FADS2: variants seen among roughly 807,000 people sequenced by gnomAD.
The protein encoded by FADS2 is fatty acid desaturase 2, also known as acyl-CoA 6-desaturase.
A neutral mutation model predicts 61.2 loss-of-function variants in FADS2; 18 were observed. The ratio of observed to expected loss-of-function variants is 0.29; its 90% CI spans 0.20 to 0.44. The LOEUF is 0.44. Ranked by LOEUF, FADS2 falls within the 20% of genes least tolerant of loss-of-function variation. FADS2 has a pLI of 1.00. For synonymous variants in FADS2, 203 were observed against 223.9 expected (o/e 0.91, Z 0.83); for missense variants, 322 against 572.7 (o/e 0.56, Z 4.47).
chr11:61,846,415 T>TAA (rs990670218), intron 4 of FADS2, among the ~76,000 whole-genome samples: 14 of 134,794 alleles, frequency 1.0e-4, no homozygotes, highest in Middle Eastern at 3.5e-3. Context: ...TGACTTTTTT[T>TAA]TTTTTTTTCT....
intron 5 of FADS2, among the ~76,000 whole-genome samples, chr11:61,851,307 G>C (rs966755132): frequency 2.0e-5 from 3 of 152,196 alleles, no homozygotes; most frequent in African/African-American, 7.2e-5. Flanking sequence ...TCTTGTGCGT[G>C]GTGGCCAGAG....
Position 61,837,840 on chromosome 11 carries a change from G to C in FADS2, c.270G>C (p.Leu90=). ...TGGGCAAGTTCTTGAAACCCCTGCTGATTGGTGAACTGGCCCCGGAGGAGC... is the reference window on the plus strand; with the variant it reads ...TGGGCAAGTTCTTGAAACCCCTGCTCATTGGTGAACTGGCCCCGGAGGAGC... The part of the protein sequence containing the change: ...EFVGKFLKPL[L]IGELAPEEPS... The change falls in exon 2 of 12, where the codon CTG becomes CTC. Residue 90 remains leucine, a synonymous_variant. Transcript: ENST00000278840. 6.2e-7 allele frequency: 1 copy of C among 1,613,970 alleles called. No homozygotes were observed. Among genetic ancestry groups the C allele is most frequent in the Non-Finnish European group, 8.5e-7 (1 of 1,179,934 alleles).
intron 7 of FADS2, among the ~76,000 whole-genome samples, chr11:61,858,303 C>T (rs2067381688): frequency 6.6e-6 from 1 of 151,780 alleles, no homozygotes; most frequent in Non-Finnish European, 1.5e-5. Flanking sequence ...CTCAGCCTCC[C>T]AAGTACCTGG....
intron 7 of FADS2, among the ~76,000 whole-genome samples, chr11:61,857,937 GAAGACCGTATGACA>G (rs1266477702): frequency 6.6e-6 from 1 of 152,204 alleles, no homozygotes; most frequent in East Asian, 1.9e-4. Context: ...GGTCGTTTGC[GAAGACCGTATGACA>G]AAGCACCACG....
intron 1 of FADS2, among the ~76,000 whole-genome samples, chr11:61,821,804 A>G (rs1228328456): frequency 2.0e-5 from 3 of 152,242 alleles, no homozygotes; most frequent in Non-Finnish European, 2.9e-5. Flanking sequence ...AAAATAATTT[A>G]TGACATATAG....
At position 61,845,805 on chromosome 11, in the gene FADS2, T is replaced by A. The variant is rs174588; in HGVS notation, c.619-2354T>A. On this transcript the variant is annotated intron_variant, in intron 4 of 11. Transcript: ENST00000278840. ...GTCTCAAAAAAAAAAAAAAAAAAAA[T>A]GGAAGAGAATCACAGCAGAGGAAGT... 7.3e-3 allele frequency among the ~76,000 whole-genome samples: 995 copies of A among 135,986 alleles called. 6 individuals are homozygous for A. Among genetic ancestry groups the A allele is most frequent in the Non-Finnish European group, 0.01 (650 of 63,520 alleles). 89.2% of individuals were successfully genotyped at this position (135,986 alleles called of 152,430 possible). A position where few individuals can be genotyped will look rare whatever the true frequency, so the allele number is the denominator to read the frequency against.
At position 61,839,543 on chromosome 11, in the gene FADS2, G is replaced by A. The variant is rs573019454; in HGVS notation, c.319-791G>A. ...TCACTATGTTGGCCAGGCTGGTCTCGAACTCCTGACCTCAGGTGATCTGCC... is the reference window on the plus strand; with the variant it reads ...TCACTATGTTGGCCAGGCTGGTCTCAAACTCCTGACCTCAGGTGATCTGCC... On this transcript the variant is annotated intron_variant, in intron 2 of 11. Transcript: ENST00000278840. Among the ~76,000 whole-genome samples, 4 of 152,098 alleles carry A rather than the reference G, an allele frequency of 2.6e-5. No homozygotes were observed. The South Asian group carries it at 8.3e-4, about 32-fold the overall frequency.
chr11:61,865,283 G>T lies in FADS2; in HGVS notation c.1283+6G>T. The T allele has an allele frequency of 6.2e-7, 1 of 1,612,598 alleles. No homozygotes were observed. The highest frequency in any genetic ancestry group is 8.5e-7 in the Non-Finnish European group (1 of 1,179,872). On this transcript the variant is annotated splice_donor_region_variant and intron_variant, in intron 11 of 11. Transcript: ENST00000278840. The surrounding 1 kb of genome is among the most constrained non-coding windows in gnomAD (Gnocchi z 4.1). ...GCCCTGCTGGACATCATCAGGTGAG[G>T]GGTGGAGGTCCACAGGCGCTGGGCC...
Position 61,816,890 on chromosome 11 carries a change from C to A in FADS2, c.141+464C>A, listed in dbSNP as rs2066990687. On this transcript the variant is annotated intron_variant, in intron 1 of 11. Coordinates refer to the FADS2 transcript ENST00000257261. The surrounding 1 kb of genome is among the most constrained non-coding windows in gnomAD (Gnocchi z 7.0). ...CGCCTGCGCGCCGGGTTTTCAGCAC[C>A]GCAGGGCAGACCGGCGGGCCTCGCA... The A allele has an allele frequency of 2.1e-6, 3 of 1,456,862 alleles. No homozygotes were observed. The highest frequency in any genetic ancestry group is 1.3e-5 in the South Asian group (1 of 74,116). 90.2% of individuals were successfully genotyped at this position (1,456,862 alleles called of 1,614,324 possible).
intron 1 of FADS2, among the ~76,000 whole-genome samples, chr11:61,819,354 T>C (rs971362130): frequency 6.6e-6 from 1 of 152,016 alleles, no homozygotes; most frequent in Admixed American, 6.5e-5. Flanking sequence ...GGCAGGCGGA[T>C]TGCCTGAGCT....
In FADS2 at chr11:61,839,305, A is replaced by ATTTTT. The variant is rs1293550243; in HGVS notation, c.319-1028_319-1024dup. 9.3e-5 allele frequency among the ~76,000 whole-genome samples: 14 copies of ATTTTT among 150,684 alleles called. No individual in the cohort carries two copies. The East Asian group carries it at 1.6e-3, about 17-fold the overall frequency. ...TTTGGTGGTGGAAAATGCAAGTTTT[A>ATTTTT]TTTTTCTTTTCTTTTCTTTCTTTCT... On this transcript the variant is annotated intron_variant, in intron 2 of 11. Coordinates refer to ENST00000278840, the MANE Select transcript of FADS2 (RefSeq NM_004265.4).
intron 1 of FADS2, among the ~76,000 whole-genome samples, chr11:61,832,406 G>A (rs547156102): frequency 1.3e-5 from 2 of 152,356 alleles, no homozygotes; most frequent in South Asian, 2.1e-4. Context: ...TGAGATCTGG[G>A]TGGGAGCTGT....
At chr11:61,834,978 C>T (rs1393129987) in intron 1 of FADS2, among the ~76,000 whole-genome samples, 1 of 133,354 alleles carries the variant, frequency 7.5e-6, no homozygotes, top group Non-Finnish European at 1.6e-5. Context: ...CTCCTCCCTG[C>T]CTGCCCCCCC....
At chr11:61,837,751 G>A (rs989145495) in intron 1 of FADS2, 27 bp from the exon 2 acceptor site, 3 of 1,513,548 alleles carry the variant, frequency 2.0e-6, no homozygotes, top group Non-Finnish European at 2.7e-6. Context: ...TCAGGTCTTA[G>A]CCTCATCACT....
At chr11:61,855,278 T>C (rs958380467) in intron 5 of FADS2, 3 of 152,342 alleles carry the variant, frequency 2.0e-5, no homozygotes, top group Admixed American at 6.5e-5. Flanking sequence ...TGAGCAGAGC[T>C]GGAGACACTG....
upstream of FADS2, among the ~76,000 whole-genome samples, chr11:61,824,459 GGAGA>G (rs1157000186): frequency 8.2e-3 from 48 of 5,860 alleles, 1 homozygote; most frequent in African/African-American, 0.026. Flanking sequence ...AGGGAGGGAG[GGAGA>G]GAGAGAGAGA....
At chr11:61,856,810 G>GGTGTAGAT in intron 5 of FADS2, 1 of 589,466 alleles carries the variant, frequency 1.7e-6, no homozygotes, top group Non-Finnish European at 3.0e-6. Context: ...GGAAGCGTTG[G>GGTGTAGAT]CCGCTGCTGG....
At chr11:61,838,993 C>T (rs1056071728) in intron 2 of FADS2, among the ~76,000 whole-genome samples, 6 of 152,210 alleles carry the variant, frequency 3.9e-5, no homozygotes, top group African/African-American at 1.4e-4. Flanking sequence ...ACCAGAACCA[C>T]CCTTCATAGC....
Position 61,856,998 on chromosome 11 carries a change from C to T in FADS2, c.745-13C>T, listed in dbSNP as rs2067364943. The T allele has an allele frequency of 1.4e-5, 22 of 1,612,338 alleles. No homozygotes were observed. The highest frequency in any genetic ancestry group is 2.2e-5 in the East Asian group (1 of 44,870). ...AGGCTACTGGGTGCTCATGATCTCT[C>T]CTCTCTCCTCAGTACGGCAAGAAGA... is the stretch of plus-strand genomic sequence containing the variant. On this transcript the variant is annotated splice_polypyrimidine_tract_variant and intron_variant, in intron 5 of 11. Transcript: ENST00000278840.
Sources: gnomAD v4.1 joint callset for allele counts (sites outside exome capture counted in the v4.1 genomes callset) on GRCh38, gnomAD v4.1.1 for gene constraint, Gnocchi (gnomAD v3.1) non-coding constraint, MANE v1.5 for transcripts, NCBI Gene and HGNC (gene_info 2026-07-23, HGNC 2026-07-21) for gene names.